The following OPCML variants were observed in gnomAD, a reference collection of about 807,000 sequenced individuals.
OPCML encodes opioid-binding protein/cell adhesion molecule.
OPCML carries 13 observed loss-of-function variants against 37.8 expected under a neutral mutation model. That is an observed-to-expected ratio of 0.34 (90% CI 0.22 to 0.55). The LOEUF (loss-of-function observed/expected upper bound fraction) is 0.55. Among genes scored for constraint, OPCML ranks in the 20% least tolerant of loss-of-function variants. OPCML has a pLI of 0.91. For missense variants in OPCML, 341 were observed against 435.6 expected (o/e 0.78, Z 1.93); for synonymous variants, 176 against 168.8 (o/e 1.04, Z -0.33).
chr11:132,702,493 C>A (rs1242097951), intron 2 of OPCML, among the ~76,000 whole-genome samples: 2 of 152,098 alleles, frequency 1.3e-5, no homozygotes, highest in Admixed American at 6.5e-5. Flanking sequence ...AACGTTCTTT[C>A]TTTGTCTTTG....
At chr11:132,570,624 T>C (rs1565673986) in intron 3 of OPCML, among the ~76,000 whole-genome samples, 1 of 151,042 alleles carries the variant, frequency 6.6e-6, no homozygotes, top group Non-Finnish European at 1.5e-5. Context: ...GTTTTATAAA[T>C]TAACAGTCTC....
intron 1 of OPCML, among the ~76,000 whole-genome samples, chr11:133,244,292 C>T (rs1160246652): frequency 1.3e-5 from 2 of 152,066 alleles, no homozygotes; most frequent in Admixed American, 1.3e-4. Context: ...AAGGCATGGA[C>T]ATACCTCGAA....
chr11:132,507,645 T>C (rs904317098), intron 4 of OPCML, among the ~76,000 whole-genome samples: 4 of 151,788 alleles, frequency 2.6e-5, no homozygotes, highest in African/African-American at 9.7e-5. Flanking sequence ...GGTTTGAACC[T>C]GAATAACTAT....
At chr11:133,008,765 A>C (rs1947160117) in intron 1 of OPCML, 1 of 437,122 alleles carries the variant, frequency 2.3e-6, no homozygotes, top group Non-Finnish European at 3.0e-6. Context: ...TATTCCTTTC[A>C]GCCAATTCTG....
chr11:133,521,172 C>T (rs1407594030), intron 1 of OPCML, among the ~76,000 whole-genome samples: 3 of 152,210 alleles, frequency 2.0e-5, no homozygotes, highest in African/African-American at 7.2e-5. Flanking sequence ...TCGGGCTCCT[C>T]TCCTGACCTT....
intron 1 of OPCML, among the ~76,000 whole-genome samples, chr11:133,075,108 T>C (rs1391851784): frequency 6.6e-6 from 1 of 152,104 alleles, no homozygotes; most frequent in Non-Finnish European, 1.5e-5. Flanking sequence ...CTGCATTTTG[T>C]CACAGACTGA....
chr11:133,230,255 G>A (rs78822003), intron 1 of OPCML, among the ~76,000 whole-genome samples: 18 of 152,260 alleles, frequency 1.2e-4, no homozygotes, highest in African/African-American at 3.6e-4. Flanking sequence ...CACTCATCTT[G>A]GCTCATGGTG....
chr11:133,333,796 G>T lies in OPCML; in HGVS notation c.61+198468C>A, dbSNP rs1943678973. 2.0e-5 allele frequency among the ~76,000 whole-genome samples: 3 copies of T among 151,676 alleles called. No individual in the cohort carries two copies. The South Asian group carries it at 6.2e-4, about 31-fold the overall frequency. On this transcript the variant is annotated intron_variant, in intron 1 of 7. Transcript: ENST00000524381. ...AAGGAACTTAAACAAATTTACAAGA[G>T]AAAAACAAAAAACCCCATTGAAAAG...
intron 2 of OPCML, among the ~76,000 whole-genome samples, chr11:132,907,323 C>T (rs965379930): frequency 6.6e-6 from 1 of 152,074 alleles, no homozygotes; most frequent in African/African-American, 2.4e-5. Context: ...TCCAGGAATG[C>T]TTTTCCTCCT....
intron 1 of OPCML, among the ~76,000 whole-genome samples, chr11:133,149,583 C>T (rs1283416871): frequency 2.0e-5 from 3 of 152,208 alleles, no homozygotes; most frequent in Non-Finnish European, 4.4e-5. Flanking sequence ...AACCCCCACC[C>T]GCACGCTTGA....
chr11:133,399,764 C>T (rs1945361139), intron 1 of OPCML, among the ~76,000 whole-genome samples: 2 of 151,976 alleles, frequency 1.3e-5, no homozygotes, highest in Admixed American at 6.6e-5. Context: ...CTCATGCTAC[C>T]AGATTTCTAC....
At chr11:133,049,782 T>C (rs1948095600) in intron 1 of OPCML, among the ~76,000 whole-genome samples, 1 of 152,196 alleles carries the variant, frequency 6.6e-6, no homozygotes, top group Non-Finnish European at 1.5e-5. Flanking sequence ...CTTCTTTATG[T>C]GTCAGCTCAG....
At chr11:133,282,404 G>C (rs868856281) in intron 1 of OPCML, among the ~76,000 whole-genome samples, 11 of 152,294 alleles carry the variant, frequency 7.2e-5, no homozygotes, top group African/African-American at 2.2e-4. Flanking sequence ...GCTTGCACAT[G>C]GCGCTAAGTC....
intron 4 of OPCML, among the ~76,000 whole-genome samples, chr11:132,514,392 T>C (rs2096275398): frequency 6.6e-6 from 1 of 152,206 alleles, no homozygotes; most frequent in African/African-American, 2.4e-5. Context: ...TCAGTAGCTC[T>C]TAAGAATGAA....
intron 1 of OPCML, among the ~76,000 whole-genome samples, chr11:133,497,980 C>T (rs1048207121): frequency 7.9e-5 from 12 of 152,212 alleles, no homozygotes; most frequent in Non-Finnish European, 1.8e-4. Context: ...AGAAGGCTTC[C>T]CAGGCTCCAT....
intron 2 of OPCML, among the ~76,000 whole-genome samples, chr11:132,694,547 G>C (rs1943534102): frequency 6.6e-6 from 1 of 152,142 alleles, no homozygotes; most frequent in African/African-American, 2.4e-5. Context: ...CTATGTGCCA[G>C]CTATTGTGCA....
intron 3 of OPCML, among the ~76,000 whole-genome samples, chr11:132,584,032 C>T (rs564483620): frequency 2.0e-5 from 3 of 151,982 alleles, no homozygotes; most frequent in African/African-American, 7.2e-5. Context: ...CAAAATTTAG[C>T]ATATTAATTC....
At chr11:132,468,731 G>A (rs2096126844) in intron 4 of OPCML, among the ~76,000 whole-genome samples, 1 of 152,192 alleles carries the variant, frequency 6.6e-6, no homozygotes, top group Non-Finnish European at 1.5e-5. Context: ...AACGCTCTGT[G>A]AGGACTTTAA....
chr11:132,673,096 T>C (rs980709331), intron 2 of OPCML, among the ~76,000 whole-genome samples: 14 of 152,160 alleles, frequency 9.2e-5, no homozygotes, highest in African/African-American at 2.9e-4. Context: ...AGGTTAATGC[T>C]ACACACCTTA....
Sources: gnomAD v4.1 joint callset for allele counts (sites outside exome capture counted in the v4.1 genomes callset) on GRCh38, gnomAD v4.1.1 for gene constraint, MANE v1.5 for transcripts, NCBI Gene and HGNC (gene_info 2026-07-23, HGNC 2026-07-21) for gene names.